ZNF385D: variants seen among roughly 807,000 people sequenced by gnomAD.
The protein encoded by ZNF385D is zinc finger protein 659.
Under a neutral mutation model 35.8 loss-of-function variants are expected in ZNF385D, and 15 were observed. The ratio of observed to expected loss-of-function variants is 0.42; its 90% CI spans 0.28 to 0.64. The LOEUF is 0.64. Ranked by LOEUF, ZNF385D falls within the 30% of genes least tolerant of loss-of-function variation. The pLI is 0.23. For missense variants in ZNF385D, 474 were observed against 494.6 expected (o/e 0.96, Z 0.39); for synonymous variants, 212 against 186.8 (o/e 1.13, Z -1.10).
chr3:21,548,253 A>G (rs2062448810), intron 3 of ZNF385D, among the ~76,000 whole-genome samples: 1 of 152,192 alleles, frequency 6.6e-6, no homozygotes, highest in African/African-American at 2.4e-5. Flanking sequence ...ACACCACCAC[A>G]CCTGGCTGAT....
At chr3:22,330,940 T>G (rs956650946) in intron 2 of ZNF385D, among the ~76,000 whole-genome samples, 1 of 152,210 alleles carries the variant, frequency 6.6e-6, no homozygotes, top group Admixed American at 6.5e-5. Flanking sequence ...ACTTGGCATG[T>G]CTTTCTGGGG....
chr3:21,759,004 A>AAAC lies in ZNF385D; in HGVS notation c.326-93979_326-93977dup, dbSNP rs2070480895. Among the ~76,000 whole-genome samples the AAAC allele has an allele frequency of 2.8e-5, 4 of 142,514 alleles. No homozygotes were observed. The East Asian group carries it at 8.0e-4, about 28-fold the overall frequency. The allele number at this position is 142,514 out of a possible 152,430, so 93.5% of individuals were successfully genotyped here. A position where few individuals can be genotyped will look rare whatever the true frequency, so the allele number is the denominator to read the frequency against. ...AAAAAAAAAAAAAAAAAAAAAAAAA[A>AAAC]AACAGTGGTGATGCTATTGTAACAA... On this transcript the variant is annotated intron_variant, in intron 3 of 5. Transcript: ENST00000494108.
chr3:22,336,228 C>T (rs894747913), intron 2 of ZNF385D, among the ~76,000 whole-genome samples: 3 of 152,066 alleles, frequency 2.0e-5, no homozygotes, highest in East Asian at 3.8e-4. Context: ...TTAAACAAAG[C>T]CGCATTCCAT....
intron 2 of ZNF385D, among the ~76,000 whole-genome samples, chr3:22,249,398 G>A (rs1158139743): frequency 1.3e-5 from 2 of 152,128 alleles, no homozygotes; most frequent in African/African-American, 4.8e-5. Context: ...CGGAAGAAAT[G>A]TCATAATACT....
chr3:22,102,248 C>T (rs1367249184), intron 3 of ZNF385D, among the ~76,000 whole-genome samples: 1 of 151,928 alleles, frequency 6.6e-6, no homozygotes, highest in East Asian at 1.9e-4. Flanking sequence ...TTGCTATTTG[C>T]CAGACACTGC....
intron 3 of ZNF385D, among the ~76,000 whole-genome samples, chr3:21,800,732 T>C (rs1451935001): frequency 6.6e-6 from 1 of 152,156 alleles, no homozygotes; most frequent in Non-Finnish European, 1.5e-5. Context: ...AAAAATACAG[T>C]TGTCTTTTGT....
chr3:21,462,481 T>C (rs992546222), intron 4 of ZNF385D, among the ~76,000 whole-genome samples: 11 of 152,162 alleles, frequency 7.2e-5, no homozygotes, highest in Non-Finnish European at 1.3e-4. Flanking sequence ...GGTAGGTAAA[T>C]ACCTTGATAC....
At chr3:21,736,620 G>A (rs1252803049) in intron 1 of ZNF385D, among the ~76,000 whole-genome samples, 1 of 152,166 alleles carries the variant, frequency 6.6e-6, no homozygotes, top group African/African-American at 2.4e-5. Context: ...GTAAAGCACA[G>A]GACGTCTTTC....
intron 2 of ZNF385D, chr3:21,579,757 G>A (rs73033331): frequency 0.42 from 28,726 of 68,476 alleles, 3,216 homozygotes; most frequent in Middle Eastern, 0.48. Flanking sequence ...AACCTGTAGG[G>A]GAACATCCTT....
Position 21,751,164 on chromosome 3 carries a change from C to A in ZNF385D, c.-248G>T. ...CTGCACTGCCCATCCTTACTGTAATCCGACTCCTCCTTGCGATGTCCTTGC... is the reference window on the plus strand; with the variant it reads ...CTGCACTGCCCATCCTTACTGTAATACGACTCCTCCTTGCGATGTCCTTGC... On this transcript the variant is annotated 5_prime_UTR_variant, in exon 1 of 8. Transcript: ENST00000281523. 4 of 1,415,992 alleles carry A rather than the reference C, an allele frequency of 2.8e-6. No homozygotes were observed. Among genetic ancestry groups the A allele is most frequent in the Non-Finnish European group, 3.7e-6 (4 of 1,086,180 alleles). The allele number at this position is 1,415,992 out of a possible 1,614,324, so 87.7% of individuals were successfully genotyped here.
At chr3:22,330,272 A>G (rs1694875247) in intron 2 of ZNF385D, among the ~76,000 whole-genome samples, 1 of 152,148 alleles carries the variant, frequency 6.6e-6, no homozygotes, top group Non-Finnish European at 1.5e-5. Context: ...TTAAATGTTT[A>G]TTTTAAATCT....
At chr3:21,893,281 T>A (rs555374915) in intron 3 of ZNF385D, among the ~76,000 whole-genome samples, 5 of 152,302 alleles carry the variant, frequency 3.3e-5, no homozygotes, top group African/African-American at 1.2e-4. Flanking sequence ...CAGATACACA[T>A]CATTCCAAAT....
chr3:22,107,154 G>A (rs1460486415), intron 3 of ZNF385D, among the ~76,000 whole-genome samples: 1 of 151,128 alleles, frequency 6.6e-6, no homozygotes, highest in Non-Finnish European at 1.5e-5. Context: ...CCCCGGAGTA[G>A]CTGGGATTAC....
intron 2 of ZNF385D, among the ~76,000 whole-genome samples, chr3:22,288,854 G>C (rs966697029): frequency 6.6e-6 from 1 of 152,044 alleles, no homozygotes; most frequent in Non-Finnish European, 1.5e-5. Flanking sequence ...CTGGCCTCTT[G>C]TAAAAGAAGA....
chr3:22,320,467 C>A (rs948905535), intron 2 of ZNF385D, among the ~76,000 whole-genome samples: 1 of 151,360 alleles, frequency 6.6e-6, no homozygotes, highest in Non-Finnish European at 1.5e-5. Flanking sequence ...CAAATTAATG[C>A]CCGGATAGTT....
At chr3:21,423,527 G>T (rs1330420385) in intron 7 of ZNF385D, among the ~76,000 whole-genome samples, 1 of 152,082 alleles carries the variant, frequency 6.6e-6, no homozygotes, top group Non-Finnish European at 1.5e-5. Flanking sequence ...TCCAGGTCAG[G>T]ACATTATAAT....
intron 2 of ZNF385D, among the ~76,000 whole-genome samples, chr3:22,340,312 A>G (rs1187136621): frequency 6.6e-6 from 1 of 152,172 alleles, no homozygotes. Flanking sequence ...ATTTGGGCCC[A>G]GTTAAAACTT....
At chr3:21,942,190 T>A (rs1271495903) in intron 3 of ZNF385D, among the ~76,000 whole-genome samples, 1 of 152,232 alleles carries the variant, frequency 6.6e-6, no homozygotes, top group Non-Finnish European at 1.5e-5. Flanking sequence ...AATATTACAT[T>A]TTAATTTTTA....
At chr3:22,115,540 A>C (rs536466248) in intron 3 of ZNF385D, among the ~76,000 whole-genome samples, 1 of 152,248 alleles carries the variant, frequency 6.6e-6, no homozygotes, top group Non-Finnish European at 1.5e-5. Flanking sequence ...GTGATGAGAC[A>C]AAATGCTGTA....
Sources: gnomAD v4.1 joint callset for allele counts (sites outside exome capture counted in the v4.1 genomes callset) on GRCh38, gnomAD v4.1.1 for gene constraint, MANE v1.5 for transcripts, NCBI Gene and HGNC (gene_info 2026-07-23, HGNC 2026-07-21) for gene names.